Variants in DOCK4 observed in about 807,000 individuals in gnomAD.
DOCK4 encodes dedicator of cytokinesis protein 4.
DOCK4 carries 97 observed loss-of-function variants against 268.1 expected under a neutral mutation model. The observed-to-expected ratio is 0.36, with a 90% confidence interval of 0.31 to 0.43. The LOEUF is 0.43. Ranked by LOEUF, DOCK4 falls within the 20% of genes least tolerant of loss-of-function variation. The pLI is 1.00. For synonymous variants in DOCK4, 954 were observed against 887.2 expected (o/e 1.08, Z -1.34); for missense variants, 2,145 against 2,455.7 (o/e 0.87, Z 2.67).
chr7:112,001,568 A>G (rs1287401700), intron 2 of DOCK4, among the ~76,000 whole-genome samples: 2 of 151,984 alleles, frequency 1.3e-5, no homozygotes, highest in African/African-American at 4.8e-5. Context: ...GAGAAGCCAT[A>G]AAGTGCTTTA....
rs1019847554 is a variant in DOCK4, at chr7:111,760,909, G to A, written c.4021-587C>T. Among the ~76,000 whole-genome samples, 5 of 151,920 alleles carry A rather than the reference G, an allele frequency of 3.3e-5. No homozygotes were observed. In the South Asian group the frequency reaches 6.2e-4, roughly 19 times the overall value. ...CCTGAATGATCTGATTAGATATGACGGATCTCTGACATTTTAATGATAATG... is the reference window on the plus strand; with the variant it reads ...CCTGAATGATCTGATTAGATATGACAGATCTCTGACATTTTAATGATAATG... On this transcript the variant is annotated intron_variant, in intron 39 of 52. Coordinates refer to ENST00000428084, the MANE Select transcript of DOCK4 (RefSeq NM_001363540.2).
intron 22 of DOCK4, among the ~76,000 whole-genome samples, chr7:111,865,342 G>A (rs1262098608): frequency 6.6e-6 from 1 of 152,230 alleles, no homozygotes; most frequent in East Asian, 1.9e-4. Context: ...AGTAGGACCA[G>A]GATGCATACA....
chr7:111,812,896 T>C (rs1801245435), intron 27 of DOCK4, among the ~76,000 whole-genome samples: 1 of 152,212 alleles, frequency 6.6e-6, no homozygotes, highest in Non-Finnish European at 1.5e-5. Context: ...AGGAAAAGCC[T>C]GACCAATACA....
intron 1 of DOCK4, among the ~76,000 whole-genome samples, chr7:112,191,097 T>C (rs1473845293): frequency 6.6e-6 from 1 of 152,216 alleles, no homozygotes; most frequent in Non-Finnish European, 1.5e-5. Context: ...TTTATTTGTT[T>C]GAGGCAGGGC....
At chr7:112,179,571 T>C (rs761228695) in intron 1 of DOCK4, among the ~76,000 whole-genome samples, 1 of 151,220 alleles carries the variant, frequency 6.6e-6, no homozygotes, top group African/African-American at 2.4e-5. Flanking sequence ...AACCCAGAAG[T>C]GAATTAAACA....
chr7:112,180,322 G>C (rs1439717792), intron 1 of DOCK4, among the ~76,000 whole-genome samples: 1 of 152,102 alleles, frequency 6.6e-6, no homozygotes, highest in East Asian at 1.9e-4. Context: ...AAAGACTTCA[G>C]AAAAACAGAA....
intron 1 of DOCK4, among the ~76,000 whole-genome samples, chr7:112,145,150 G>A (rs889113146): frequency 1.3e-5 from 2 of 152,158 alleles, no homozygotes; most frequent in African/African-American, 4.8e-5. Flanking sequence ...AGGTGCTAGA[G>A]AGGTTAGCAA....
chr7:112,099,887 T>TA (rs1210481159), intron 1 of DOCK4, among the ~76,000 whole-genome samples: 6 of 152,124 alleles, frequency 3.9e-5, no homozygotes, highest in African/African-American at 1.4e-4. Context: ...TAAAAGCCAA[T>TA]AAAAAATAAT....
intron 10 of DOCK4, among the ~76,000 whole-genome samples, chr7:111,942,072 T>A (rs1317193008): frequency 6.6e-6 from 1 of 152,186 alleles, no homozygotes; most frequent in East Asian, 1.9e-4. Flanking sequence ...CAGTTCTGAC[T>A]GGGCTTTGGG....
chr7:112,198,189 G>C (rs149466333), intron 1 of DOCK4, among the ~76,000 whole-genome samples: 3 of 151,860 alleles, frequency 2.0e-5, no homozygotes, highest in African/African-American at 7.3e-5. Flanking sequence ...GATGGGATTC[G>C]TGACCTTATA....
At chr7:112,046,192 G>T (rs531304951) in intron 1 of DOCK4, among the ~76,000 whole-genome samples, 2 of 151,938 alleles carry the variant, frequency 1.3e-5, no homozygotes, top group African/African-American at 4.8e-5. Flanking sequence ...AGCAATCCTA[G>T]CCCATTCTAC....
chr7:111,755,566 C>A lies in DOCK4; in HGVS notation c.4365G>T (p.Val1455=). Residue 1455 remains valine, a synonymous_variant, in exon 42 of 53, where the codon GTG becomes GTT. Coordinates refer to ENST00000428084, the MANE Select transcript of DOCK4 (RefSeq NM_001363540.2). ...AGCGAGAGATGCCAGGCAAACTCTG[C>A]ACCAAGTATAATGACGTTCTCTCCA... ...LWVERTSLYL[V]QSLPGISRWF... The A allele has an allele frequency of 1.2e-6, 2 of 1,613,956 alleles. No individual in the cohort carries two copies. Among genetic ancestry groups the A allele is most frequent in the Non-Finnish European group, 1.7e-6 (2 of 1,179,888 alleles).
At chr7:111,812,595 C>T (rs1314828993) in intron 27 of DOCK4, among the ~76,000 whole-genome samples, 1 of 152,166 alleles carries the variant, frequency 6.6e-6, no homozygotes, top group Non-Finnish European at 1.5e-5. Flanking sequence ...AAAAGAAAGC[C>T]ATGCTTTTTA....
intron 25 of DOCK4, chr7:111,840,691 G>C (rs1437346241): frequency 1.5e-6 from 1 of 689,648 alleles, no homozygotes; most frequent in Non-Finnish European, 2.0e-6. Flanking sequence ...GGGAGGCTGG[G>C]TAACAATCAT....
chr7:112,009,844 C>T (rs950054467), intron 1 of DOCK4, among the ~76,000 whole-genome samples: 2 of 152,184 alleles, frequency 1.3e-5, no homozygotes, highest in Non-Finnish European at 2.9e-5. Flanking sequence ...TTTGAGACAG[C>T]GTCTCACCGT....
chr7:111,869,392 T>C, intron 21 of DOCK4, 182 bp downstream of exon 21: 3 of 581,800 alleles, frequency 5.2e-6, no homozygotes, highest in Middle Eastern at 3.3e-4. Context: ...TAGACTACCC[T>C]GGCAAAGTCC....
chr7:112,127,218 T>C (rs970645826), intron 1 of DOCK4, among the ~76,000 whole-genome samples: 1 of 151,852 alleles, frequency 6.6e-6, no homozygotes, highest in Admixed American at 6.6e-5. Flanking sequence ...CACCATGGAA[T>C]ACTATGTGGC....
intron 12 of DOCK4, among the ~76,000 whole-genome samples, chr7:111,916,378 T>G (rs185765870): frequency 8.5e-4 from 129 of 152,252 alleles, no homozygotes; most frequent in Non-Finnish European, 1.5e-3. Flanking sequence ...ATTTAAGGAT[T>G]TAAAGGATAT....
At chr7:111,855,518 C>G (rs954242169) in intron 23 of DOCK4, among the ~76,000 whole-genome samples, 4 of 151,990 alleles carry the variant, frequency 2.6e-5, no homozygotes, top group African/African-American at 9.7e-5. Context: ...GTTTAAGGAG[C>G]CTGTGAGATA....
Sources: allele counts gnomAD v4.1 joint callset (sites outside exome capture counted in the v4.1 genomes callset), GRCh38; gene constraint gnomAD v4.1.1; transcripts MANE v1.5; gene names NCBI Gene and HGNC (gene_info 2026-07-23, HGNC 2026-07-21).